Variants in TMEM131 observed in about 807,000 individuals in gnomAD.
TMEM131 encodes the protein transmembrane protein 131.
A neutral mutation model predicts 211.6 loss-of-function variants in TMEM131; 66 were observed. The ratio of observed to expected loss-of-function variants is 0.31; its 90% confidence interval spans 0.26 to 0.38. The LOEUF (loss-of-function observed/expected upper bound fraction) is 0.38. Among genes scored for constraint, TMEM131 ranks in the 10% least tolerant of loss-of-function variants. The probability of loss-of-function intolerance (pLI) is 1.00; values close to 1 mark genes in which losing one functional copy is unlikely to be tolerated. For synonymous variants in TMEM131, 844 were observed against 841.3 expected (o/e 1.00, Z -0.06); for missense variants, 2,036 against 2,299.3 (o/e 0.89, Z 2.34).
chr2:97,813,765 TA>T (rs1681678633), intron 15 of TMEM131, among the ~76,000 whole-genome samples: 1 of 152,152 alleles, frequency 6.6e-6, no homozygotes, highest in Non-Finnish European at 1.5e-5. Context: ...AGACTGTAAC[TA>T]GAGAAGTCAA....
chr2:97,812,991 A>G (rs1681626128), intron 15 of TMEM131, among the ~76,000 whole-genome samples: 1 of 144,544 alleles, frequency 6.9e-6, no homozygotes, highest in East Asian at 2.0e-4. Flanking sequence ...GACTCCATCT[A>G]AAAAAAAAAA....
intron 1 of TMEM131, among the ~76,000 whole-genome samples, chr2:97,979,955 T>A (rs1034094122): frequency 6.6e-6 from 1 of 152,204 alleles, no homozygotes; most frequent in East Asian, 1.9e-4. Context: ...TCCTTTCACT[T>A]GAACACTTAG....
intron 1 of TMEM131, among the ~76,000 whole-genome samples, chr2:97,940,148 A>G (rs1188427183): frequency 6.6e-6 from 1 of 152,206 alleles, no homozygotes; most frequent in Non-Finnish European, 1.5e-5. Flanking sequence ...CTCCTATTCT[A>G]CATAGTGTTG....
rs1477327483 is a variant in TMEM131, at chr2:97,853,429, T to A, written c.483+5875A>T. Among the ~76,000 whole-genome samples, 4 of 91,536 alleles carry A rather than the reference T, an allele frequency of 4.4e-5. No homozygotes were observed. The East Asian group carries it at 6.8e-4, about 15-fold the overall frequency. 60.1% of individuals were successfully genotyped at this position (91,536 alleles called of 152,430 possible). On this transcript the variant is annotated intron_variant, in intron 5 of 40. Transcript: ENST00000186436. ...CGCCAACATGGTGAAATCCCATCTC[T>A]ACTAAAAAAAAAAAAAAAAAAAAAA...
intron 1 of TMEM131, among the ~76,000 whole-genome samples, chr2:97,975,153 G>C (rs1168916533): frequency 2.0e-5 from 3 of 151,624 alleles, no homozygotes; most frequent in Non-Finnish European, 2.9e-5. Context: ...AAAGATCTTT[G>C]ATAAATACCC....
At chr2:97,918,668 T>C (rs530645211) in intron 2 of TMEM131, among the ~76,000 whole-genome samples, 13 of 152,226 alleles carry the variant, frequency 8.5e-5, no homozygotes, top group South Asian at 4.2e-4. Context: ...TTAGGAGACA[T>C]AGCAACCAAA....
At chr2:97,931,386 A>G (rs905149337) in intron 1 of TMEM131, among the ~76,000 whole-genome samples, 1 of 152,206 alleles carries the variant, frequency 6.6e-6, no homozygotes, top group Non-Finnish European at 1.5e-5. Context: ...AGAAGTTCAC[A>G]AACTGTTTAC....
intron 2 of TMEM131, among the ~76,000 whole-genome samples, chr2:97,920,747 CACTT>C (rs1676705704): frequency 6.6e-6 from 1 of 152,104 alleles, no homozygotes; most frequent in African/African-American, 2.4e-5. Context: ...GAAAAAATGT[CACTT>C]ACAGTAGTAT....
At chr2:97,966,950 G>A (rs893166781) in intron 1 of TMEM131, among the ~76,000 whole-genome samples, 9 of 152,006 alleles carry the variant, frequency 5.9e-5, no homozygotes, top group African/African-American at 2.2e-4. Context: ...ACGAAGACAA[G>A]CCCTTGCTTT....
intron 2 of TMEM131, among the ~76,000 whole-genome samples, chr2:97,912,268 G>C (rs1430091062): frequency 1.3e-5 from 2 of 152,036 alleles, no homozygotes; most frequent in Non-Finnish European, 2.9e-5. Flanking sequence ...GTAAGCAAAG[G>C]GCAAGAAGAC....
intron 1 of TMEM131, among the ~76,000 whole-genome samples, chr2:97,958,160 G>C (rs1678657047): frequency 6.6e-6 from 1 of 152,214 alleles, no homozygotes; most frequent in South Asian, 2.1e-4. Context: ...AATCTGGGGA[G>C]CATTGAAGAG....
intron 4 of TMEM131, among the ~76,000 whole-genome samples, chr2:97,881,335 T>C (rs1674920744): frequency 6.6e-6 from 1 of 151,742 alleles, no homozygotes; most frequent in Admixed American, 6.6e-5. Flanking sequence ...GCCTCCTGAA[T>C]AGCTGGGACT....
chr2:97,757,266 T>A lies in TMEM131; in HGVS notation c.5485A>T (p.Ile1829Phe). 6.2e-7 allele frequency: 1 copy of A among 1,613,932 alleles called. No individual in the cohort carries two copies. Among genetic ancestry groups the A allele is most frequent in the Non-Finnish European group, 8.5e-7 (1 of 1,179,876 alleles). Reference protein sequence around the residue: ...FTTPANTLASIGLMGTENSPA... With the variant: ...FTTPANTLASFGLMGTENSPA... ...GAGTTTTCTGTGCCCATGAGGCCGATGCTTGCCAGCGTGTTTGCTGGAGTG... is the reference window on the plus strand; with the variant it reads ...GAGTTTTCTGTGCCCATGAGGCCGAAGCTTGCCAGCGTGTTTGCTGGAGTG... Residue 1829 changes from isoleucine (I) to phenylalanine (F), a missense_variant, in exon 41 of 41, where the codon ATC becomes TTC. Ile to Phe is a conservative substitution (Grantham distance 21, BLOSUM62 0). Around this residue, in one of 3 missense-constraint regions of TMEM131, gnomAD observed 1,623 missense variants for 1,805.9 expected, o/e 0.90. Coordinates refer to ENST00000186436, the MANE Select transcript of TMEM131 (RefSeq NM_015348.2).
intron 1 of TMEM131, among the ~76,000 whole-genome samples, chr2:97,963,858 T>A (rs1302958779): frequency 6.6e-6 from 1 of 152,246 alleles, no homozygotes; most frequent in Non-Finnish European, 1.5e-5. Flanking sequence ...TTTAAAAGTT[T>A]TTCTTCTATG....
chr2:97,823,931 G>A (rs1559382348), intron 11 of TMEM131, among the ~76,000 whole-genome samples: 2 of 152,078 alleles, frequency 1.3e-5, no homozygotes. Flanking sequence ...AAATCTGGAG[G>A]CATTATTAAT....
chr2:97,949,130 G>A (rs747389787), intron 1 of TMEM131, among the ~76,000 whole-genome samples: 8 of 152,134 alleles, frequency 5.3e-5, no homozygotes, highest in African/African-American at 1.4e-4. Context: ...TCCCATCAAC[G>A]GGTGGGTGGA....
intron 1 of TMEM131, among the ~76,000 whole-genome samples, chr2:97,928,929 A>C (rs770420003): frequency 6.6e-6 from 1 of 151,812 alleles, no homozygotes; most frequent in Non-Finnish European, 1.5e-5. Flanking sequence ...ACATATAAGA[A>C]TATTTATAGA....
intron 11 of TMEM131, among the ~76,000 whole-genome samples, chr2:97,822,992 A>G (rs1385573966): frequency 2.0e-5 from 3 of 152,166 alleles, no homozygotes; most frequent in Admixed American, 6.5e-5. Context: ...AGTATAAATT[A>G]TAATACTATC....
intron 4 of TMEM131, among the ~76,000 whole-genome samples, chr2:97,881,219 A>G (rs774352695): frequency 1.3e-5 from 2 of 150,360 alleles, no homozygotes; most frequent in African/African-American, 2.5e-5. Flanking sequence ...GGCATAGAAG[A>G]TGGGCGTTTC....
Sources: gnomAD v4.1 joint callset for allele counts (sites outside exome capture counted in the v4.1 genomes callset) on GRCh38, gnomAD v4.1.1 for gene constraint, gnomAD v4.1.1 regional missense constraint, MANE v1.5 for transcripts, NCBI Gene and HGNC (gene_info 2026-07-23, HGNC 2026-07-21) for gene names.